The following DLGAP1 variants were observed in gnomAD, a reference collection of about 807,000 sequenced individuals.
DLGAP1 encodes disks large-associated protein 1.
Under a neutral mutation model 90.8 loss-of-function variants are expected in DLGAP1, and 11 were observed. The observed-to-expected ratio is 0.12, with a 90% CI of 0.08 to 0.20. The LOEUF is 0.20. Among genes scored for constraint, DLGAP1 ranks in the 10% least tolerant of loss-of-function variants. The probability of loss-of-function intolerance (pLI) is 1.00; values close to 1 mark genes in which losing one functional copy is unlikely to be tolerated. For missense variants in DLGAP1, 1,050 were observed against 1,333.8 expected (o/e 0.79, Z 3.31); for synonymous variants, 558 against 540.7 (o/e 1.03, Z -0.44).
intron 2 of DLGAP1, among the ~76,000 whole-genome samples, chr18:4,025,903 CTT>C (rs1458877179): frequency 6.6e-6 from 1 of 152,166 alleles, no homozygotes; most frequent in Non-Finnish European, 1.5e-5. Flanking sequence ...GAAACAATCT[CTT>C]GTTATGATAA....
At chr18:3,764,443 T>TGTTC (rs1416086995) in intron 5 of DLGAP1, among the ~76,000 whole-genome samples, 1 of 151,674 alleles carries the variant, frequency 6.6e-6, no homozygotes, top group African/African-American at 2.4e-5. Flanking sequence ...AGGCCTCGTT[T>TGTTC]GTTTGTTTTT....
intron 2 of DLGAP1, among the ~76,000 whole-genome samples, chr18:4,032,844 C>T (rs1024803839): frequency 6.6e-5 from 10 of 152,092 alleles, no homozygotes; most frequent in East Asian, 1.9e-4. Flanking sequence ...TCTGTCTCTC[C>T]GTCTCTGTAA....
chr18:3,815,170 T>G (rs2067041030), intron 4 of DLGAP1, among the ~76,000 whole-genome samples: 1 of 152,262 alleles, frequency 6.6e-6, no homozygotes, highest in African/African-American at 2.4e-5. Context: ...GTTTACTGAT[T>G]GATCTATGCC....
At chr18:3,733,825 G>C (rs759074786) in intron 6 of DLGAP1, among the ~76,000 whole-genome samples, 18 of 152,210 alleles carry the variant, frequency 1.2e-4, no homozygotes, top group Non-Finnish European at 2.2e-4. Context: ...GTTTTTCCTT[G>C]AGTGTATTAA....
At chr18:3,912,167 A>T (rs781581615) in intron 3 of DLGAP1, among the ~76,000 whole-genome samples, 1 of 152,192 alleles carries the variant, frequency 6.6e-6, no homozygotes, top group Non-Finnish European at 1.5e-5. Context: ...TTCTTTATGG[A>T]TATCTAAACT....
In DLGAP1 at chr18:3,879,518, C is replaced by G; in HGVS notation, c.551G>C (p.Ser184Thr). ...CTTGGGCTCCGCGCGCCGCTCCTTG[C>G]TCTTGCTGCGTTTGCCATAGCGCGC... is the stretch of plus-strand genomic sequence containing the variant. Reference protein sequence around the residue: ...QAARYGKRSKSKERRAEPKAR... With the variant: ...QAARYGKRSKTKERRAEPKAR... Residue 184 changes from serine (S) to threonine (T), a missense_variant, in exon 4 of 13, where the codon AGC (serine) becomes ACC (threonine). Physicochemically the swap from Ser to Thr is moderately conservative, Grantham distance 58 (BLOSUM62 1). Around this residue, in one of 2 missense-constraint regions of DLGAP1, gnomAD observed 485 missense variants for 454.1 expected, o/e 1.07. Coordinates refer to ENST00000315677, the MANE Select transcript of DLGAP1 (RefSeq NM_004746.4). The surrounding 1 kb of genome is among the most constrained non-coding windows in gnomAD (Gnocchi z 6.6). The G allele has an allele frequency of 6.2e-7, 1 of 1,602,420 alleles. No homozygotes were observed. The highest frequency in any genetic ancestry group is 1.1e-5 in the South Asian group (1 of 90,908).
chr18:4,330,294 A>G (rs2080919355), intron 1 of DLGAP1, among the ~76,000 whole-genome samples: 1 of 151,744 alleles, frequency 6.6e-6, no homozygotes, highest in Non-Finnish European at 1.5e-5. Flanking sequence ...AATTTTATTA[A>G]TGCTTTCCAA....
chr18:4,096,429 T>A (rs2075680543), intron 2 of DLGAP1, among the ~76,000 whole-genome samples: 1 of 152,196 alleles, frequency 6.6e-6, no homozygotes, highest in African/African-American at 2.4e-5. Flanking sequence ...AAACCCACCA[T>A]ATTTTATCAG....
Position 3,879,391 on chromosome 18 carries a change from C to T in DLGAP1, c.678G>A (p.Arg226=), listed in dbSNP as rs369566566. The T allele has an allele frequency of 6.4e-5, 104 of 1,613,088 alleles. No individual in the cohort carries two copies. The highest frequency in any genetic ancestry group is 8.5e-5 in the Non-Finnish European group (100 of 1,179,974). The part of the protein sequence containing the change: ...HAPSGVMTMG[R]CPDRSASQYF... Reference sequence around the variant, plus strand: ...ACTGTGAGGCCGAGCGGTCGGGGCACCTGCCCATGGTCATCACGCCCGAGG... The same window carrying T: ...ACTGTGAGGCCGAGCGGTCGGGGCATCTGCCCATGGTCATCACGCCCGAGG... Residue 226 remains arginine, a synonymous_variant, in exon 4 of 13, where the codon AGG becomes AGA. Coordinates refer to ENST00000315677, the MANE Select transcript of DLGAP1 (RefSeq NM_004746.4). This position sits in a 1 kb window ranked among gnomAD's most constrained non-coding sequence, Gnocchi z 6.6.
At chr18:4,019,367 T>G (rs1425604485) in intron 2 of DLGAP1, among the ~76,000 whole-genome samples, 6 of 152,208 alleles carry the variant, frequency 3.9e-5, no homozygotes, top group Non-Finnish European at 8.8e-5. Context: ...ACTTAACCTA[T>G]AAACACTTCC....
At chr18:3,692,263 T>C (rs1318662675) in intron 7 of DLGAP1, among the ~76,000 whole-genome samples, 1 of 146,746 alleles carries the variant, frequency 6.8e-6, no homozygotes, top group African/African-American at 2.5e-5. Flanking sequence ...TTCCATTATG[T>C]GTATTTTTTG....
At chr18:4,126,617 TGAGA>T (rs2076237139) in intron 2 of DLGAP1, among the ~76,000 whole-genome samples, 1 of 152,170 alleles carries the variant, frequency 6.6e-6, no homozygotes, top group African/African-American at 2.4e-5. Flanking sequence ...TCTAAAGAAA[TGAGA>T]ATGCTTTTTT....
At chr18:3,839,579 T>C (rs1425829691) in intron 4 of DLGAP1, among the ~76,000 whole-genome samples, 1 of 152,180 alleles carries the variant, frequency 6.6e-6, no homozygotes, top group Non-Finnish European at 1.5e-5. Context: ...GCACTATATA[T>C]ACTCATGGGA....
At chr18:3,518,851 T>C (rs945903366) in intron 10 of DLGAP1, among the ~76,000 whole-genome samples, 4 of 152,216 alleles carry the variant, frequency 2.6e-5, no homozygotes, top group African/African-American at 9.7e-5. Context: ...AAAAAGGACA[T>C]GATTTCTCCT....
chr18:4,089,817 G>C (rs533041592), intron 2 of DLGAP1, among the ~76,000 whole-genome samples: 3 of 152,136 alleles, frequency 2.0e-5, no homozygotes, highest in Admixed American at 2.0e-4. Flanking sequence ...AGGCCGAGGC[G>C]GGCGGATCAC....
At chr18:4,229,109 C>T (rs1365392724) in intron 1 of DLGAP1, among the ~76,000 whole-genome samples, 2 of 151,666 alleles carry the variant, frequency 1.3e-5, no homozygotes, top group African/African-American at 4.8e-5. Flanking sequence ...AATTAAATAC[C>T]TAGAAATTAA....
intron 7 of DLGAP1, among the ~76,000 whole-genome samples, chr18:3,698,380 G>T (rs2061167345): frequency 6.6e-6 from 1 of 152,114 alleles, no homozygotes; most frequent in Non-Finnish European, 1.5e-5. Context: ...GGCAGGCCTG[G>T]TGGTGACAAA....
At chr18:3,750,368 G>A (rs1034804221) in intron 5 of DLGAP1, among the ~76,000 whole-genome samples, 2 of 152,192 alleles carry the variant, frequency 1.3e-5, no homozygotes, top group African/African-American at 4.8e-5. Context: ...CCAGCCCACT[G>A]CTGATAGGCA....
intron 10 of DLGAP1, among the ~76,000 whole-genome samples, chr18:3,523,715 CGTG>C (rs2051399941): frequency 6.6e-6 from 1 of 151,888 alleles, no homozygotes; most frequent in Non-Finnish European, 1.5e-5. Context: ...GGCGTGGTGG[CGTG>C]CGCCCGTAGT....
Sources: gnomAD v4.1 joint callset for allele counts (sites outside exome capture counted in the v4.1 genomes callset) on GRCh38, gnomAD v4.1.1 for gene constraint, gnomAD v4.1.1 regional missense constraint, Gnocchi (gnomAD v3.1) non-coding constraint, MANE v1.5 for transcripts, NCBI Gene and HGNC (gene_info 2026-07-23, HGNC 2026-07-21) for gene names.